Variants in TTLL5 observed in about 807,000 individuals in gnomAD.
The protein encoded by TTLL5 is tubulin tyrosine ligase like 5.
In TTLL5, 132 loss-of-function variants were observed where a neutral mutation model predicts 168.4. That is an observed-to-expected ratio of 0.78 (90% CI 0.68 to 0.91). The LOEUF is 0.91. TTLL5 is among the 40% of genes least tolerant of loss of function. TTLL5 has a pLI of 0.00. For synonymous variants in TTLL5, 546 were observed against 558.6 expected (o/e 0.98, Z 0.32); for missense variants, 1,545 against 1,581.5 (o/e 0.98, Z 0.39).
chr14:75,673,151 G>A (rs528694817), intron 3 of TTLL5, among the ~76,000 whole-genome samples: 1 of 151,992 alleles, frequency 6.6e-6, no homozygotes, highest in East Asian at 1.9e-4. Context: ...GTCTCACTAT[G>A]TTTCCCAGGC....
intron 27 of TTLL5, among the ~76,000 whole-genome samples, chr14:75,803,591 T>C (rs1422295575): frequency 2.0e-5 from 3 of 152,236 alleles, no homozygotes; most frequent in Admixed American, 6.5e-5. Flanking sequence ...AATTTAATTC[T>C]TTCCCTTGGC....
At chr14:75,748,305 G>A (rs1405382579) in intron 17 of TTLL5, among the ~76,000 whole-genome samples, 1 of 143,160 alleles carries the variant, frequency 7.0e-6, no homozygotes, top group African/African-American at 2.6e-5. Flanking sequence ...AAAAAGACAT[G>A]TTCTATGTAT....
intron 9 of TTLL5, among the ~76,000 whole-genome samples, chr14:75,716,875 G>A (rs1887505154): frequency 6.6e-6 from 1 of 152,116 alleles, no homozygotes; most frequent in Admixed American, 6.6e-5. Context: ...CCTGTTTTCA[G>A]TGGGCTCCAT....
intron 2 of TTLL5, among the ~76,000 whole-genome samples, chr14:75,664,872 G>A (rs1883136306): frequency 6.6e-6 from 1 of 152,028 alleles, no homozygotes; most frequent in Non-Finnish European, 1.5e-5. Context: ...TCTCTTATTA[G>A]TGGGTTTACA....
In TTLL5 at chr14:75,668,418, T is replaced by G. The variant is rs1316490279; in HGVS notation, c.75-998T>G. ...TCATAGTATGGGCAGGGGGATTAAG[T>G]GAGATATGAGAGCTCTTAGTTTAAA... is the stretch of plus-strand genomic sequence containing the variant. On this transcript the variant is annotated intron_variant, in intron 2 of 31. Coordinates refer to ENST00000298832, the MANE Select transcript of TTLL5 (RefSeq NM_015072.5). 5.0e-4 allele frequency among the ~76,000 whole-genome samples: 76 copies of G among 152,304 alleles called. 1 individual carries two copies. The highest frequency in any genetic ancestry group is 2.9e-5 in the Non-Finnish European group (2 of 68,030).
At chr14:75,863,360 G>T (rs2030192950) in intron 28 of TTLL5, among the ~76,000 whole-genome samples, 1 of 152,082 alleles carries the variant, frequency 6.6e-6, no homozygotes, top group Non-Finnish European at 1.5e-5. Flanking sequence ...AGGTCTTCTG[G>T]CAATCACAGG....
intron 28 of TTLL5, among the ~76,000 whole-genome samples, chr14:75,835,906 G>C (rs1345365419): frequency 1.3e-5 from 2 of 152,304 alleles, no homozygotes; most frequent in East Asian, 3.9e-4. Flanking sequence ...TGCTGGCGAG[G>C]ATGTGGAGCA....
At chr14:75,949,860 GA>G (rs56006081) in intron 31 of TTLL5, among the ~76,000 whole-genome samples, 2,093 of 137,994 alleles carry the variant, frequency 0.015, 21 homozygotes, top group African/African-American at 0.029. Context: ...CAAAAAAAAA[GA>G]AAAAAAAAAA....
chr14:75,766,929 C>T (rs999470681), intron 20 of TTLL5, among the ~76,000 whole-genome samples: 18 of 152,112 alleles, frequency 1.2e-4, no homozygotes, highest in African/African-American at 4.1e-4. Context: ...TTTGGGAGGC[C>T]GAGGTGGTCG....
chr14:75,879,061 C>T (rs1455094267), intron 29 of TTLL5, among the ~76,000 whole-genome samples: 1 of 152,078 alleles, frequency 6.6e-6, no homozygotes, highest in East Asian at 1.9e-4. Context: ...TATTAAGCAC[C>T]TTTCTACTAG....
intron 20 of TTLL5, among the ~76,000 whole-genome samples, chr14:75,770,818 T>G (rs1181997835): frequency 1.3e-5 from 2 of 152,208 alleles, no homozygotes; most frequent in Non-Finnish European, 2.9e-5. Flanking sequence ...GCCCATCAGT[T>G]CATCTGTGCC....
intron 5 of TTLL5, chr14:75,689,851 G>T: frequency 4.0e-6 from 1 of 247,062 alleles, no homozygotes; most frequent in South Asian, 4.5e-5. Context: ...TCCACTACAG[G>T]GGGACTTGAG....
rs1890801404 is a variant in TTLL5 at position 75,662,447 on chromosome 14, C to G, written c.-95-608C>G. Among the ~76,000 whole-genome samples the G allele has an allele frequency of 2.6e-5, 4 of 151,594 alleles. No individual in the cohort carries two copies. The South Asian group carries it at 6.2e-4, about 24-fold the overall frequency. ...TCAAGCGATTCTCCTCCCTCAGCCTCCCGAGTAGCTGGGATTACAGGCATG... is the reference window on the plus strand; with the variant it reads ...TCAAGCGATTCTCCTCCCTCAGCCTGCCGAGTAGCTGGGATTACAGGCATG... On this transcript the variant is annotated intron_variant, in intron 1 of 31. Transcript: ENST00000298832.
intron 31 of TTLL5, among the ~76,000 whole-genome samples, chr14:75,935,276 C>A (rs1217549846): frequency 6.6e-6 from 1 of 152,196 alleles, no homozygotes; most frequent in Non-Finnish European, 1.5e-5. Context: ...TCGTTGGTTT[C>A]TTGAGTGATG....
At chr14:75,674,766 A>G (rs982804620) in intron 3 of TTLL5, among the ~76,000 whole-genome samples, 1 of 152,162 alleles carries the variant, frequency 6.6e-6, no homozygotes, top group Non-Finnish European at 1.5e-5. Context: ...CAATAGATGT[A>G]TGATGCAAGC....
chr14:75,700,937 T>G (rs901956325), intron 7 of TTLL5, among the ~76,000 whole-genome samples: 1 of 152,052 alleles, frequency 6.6e-6, no homozygotes, highest in Admixed American at 6.6e-5. Context: ...GCATTTTCAG[T>G]CTGGAAACTG....
At chr14:75,893,143 G>T (rs1025709259) in intron 30 of TTLL5, among the ~76,000 whole-genome samples, 11 of 152,172 alleles carry the variant, frequency 7.2e-5, no homozygotes, top group Admixed American at 7.2e-4. Context: ...TCTAATAGGA[G>T]TATCTCGTGG....
At chr14:75,865,578 C>A (rs2030454178) in intron 29 of TTLL5, among the ~76,000 whole-genome samples, 1 of 152,050 alleles carries the variant, frequency 6.6e-6, no homozygotes, top group African/African-American at 2.4e-5. Flanking sequence ...CAGTTGGTAC[C>A]TTTTAAACTA....
chr14:75,881,593 A>G (rs1170315884), intron 29 of TTLL5, among the ~76,000 whole-genome samples: 1 of 152,354 alleles, frequency 6.6e-6, no homozygotes, highest in East Asian at 1.9e-4. Context: ...AACTCTGTCT[A>G]GAAGATGAAT....
Sources: gnomAD v4.1 joint callset for allele counts (sites outside exome capture counted in the v4.1 genomes callset) on GRCh38, gnomAD v4.1.1 for gene constraint, MANE v1.5 for transcripts, NCBI Gene and HGNC (gene_info 2026-07-23, HGNC 2026-07-21) for gene names.